Variants in GORAB observed in about 807,000 individuals in gnomAD.
The protein encoded by GORAB is RAB6-interacting golgin.
A neutral mutation model predicts 29.9 loss-of-function variants in GORAB; 17 were observed. The observed-to-expected ratio is 0.57, with a 90% CI of 0.39 to 0.85. GORAB has a LOEUF of 0.85. GORAB is among the 40% of genes least tolerant of loss of function. The pLI is 0.00. For missense variants in GORAB, 442 were observed against 437.8 expected (o/e 1.01, Z -0.09); for synonymous variants, 183 against 157.2 (o/e 1.16, Z -1.23).
intron 4 of GORAB, among the ~76,000 whole-genome samples, chr1:170,547,143 A>T (rs1649812345): frequency 6.6e-6 from 1 of 152,176 alleles, no homozygotes; most frequent in Non-Finnish European, 1.5e-5. Flanking sequence ...AGATCGGTAA[A>T]ATAATATTAT....
intron 2 of GORAB, 96 bp from the exon 3 acceptor site, chr1:170,542,395 T>G: frequency 1.3e-6 from 1 of 741,478 alleles, no homozygotes; most frequent in Admixed American, 2.3e-5. Flanking sequence ...TTGATTAAAT[T>G]TTATACTTAG....
rs1214524891 is a variant in GORAB at position 170,535,031 on chromosome 1, G to GA, written c.61+2748dup. On this transcript the variant is annotated intron_variant, in intron 1 of 4. Transcript: ENST00000367763. ...CATGTTTAATGTGGGTTTGGCAGGTGACTGTGTTGCACAGTCACTCCGTTT... is the reference window on the plus strand; with the variant it reads ...CATGTTTAATGTGGGTTTGGCAGGTGAACTGTGTTGCACAGTCACTCCGTTT... Among the ~76,000 whole-genome samples, 25 of 152,290 alleles carry GA rather than the reference G, an allele frequency of 1.6e-4. No homozygotes were observed. In the East Asian group the frequency reaches 4.1e-3, roughly 25 times the overall value.
rs1318092805 is a variant in GORAB, at chr1:170,539,234, TCCCCGC to T, written c.87_92del (p.Pro30_Ala31del). On this transcript the variant is annotated inframe_deletion, in exon 2 of 5. Transcript: ENST00000367763. ...GATCCATTTGAACCACAGCGACGTC[TCCCCGC>T]GAAGAAAAGTCGACAACAACTTCAG... is the stretch of plus-strand genomic sequence containing the variant. The T allele has an allele frequency of 1.2e-6, 2 of 1,614,066 alleles. No homozygotes were observed. The highest frequency in any genetic ancestry group is 1.7e-5 in the Admixed American group (1 of 59,988).
rs964155812 is a variant in GORAB at position 170,539,556 on chromosome 1, G to C, written c.408G>C (p.Lys136Asn). 4 of 1,613,860 alleles carry C rather than the reference G, an allele frequency of 2.5e-6. No homozygotes were observed. The highest frequency in any genetic ancestry group is 3.4e-6 in the Non-Finnish European group (4 of 1,179,958). ...PPKPDCKLEK[K>N]KVELQEKSRW... is the part of the protein sequence containing the mutation. ...AGCCAGATTGCAAATTGGAGAAAAA[G>C]AAAGTGGAATTGTTAGTAAGTCTAT... The change falls in exon 2 of 5, where the codon AAG becomes AAC. Residue 136 changes from lysine to asparagine, a missense_variant. Physicochemically the swap from Lys to Asn is moderately conservative, Grantham distance 94 (BLOSUM62 0). Coordinates refer to ENST00000367763, the MANE Select transcript of GORAB (RefSeq NM_152281.3).
intron 1 of GORAB, among the ~76,000 whole-genome samples, chr1:170,534,218 T>C (rs960326827): frequency 1.3e-5 from 2 of 152,224 alleles, no homozygotes; most frequent in African/African-American, 4.8e-5. Flanking sequence ...GGTGGGAATA[T>C]ATTAGTATTA....
intron 3 of GORAB, 119 bp downstream of exon 3, chr1:170,542,711 T>C: frequency 6.6e-6 from 5 of 760,906 alleles, no homozygotes; most frequent in Non-Finnish European, 7.2e-6. Flanking sequence ...CCATTACTTT[T>C]AAGACTAACT....
At chr1:170,535,637 C>T (rs1448612809) in intron 1 of GORAB, among the ~76,000 whole-genome samples, 1 of 152,152 alleles carries the variant, frequency 6.6e-6, no homozygotes, top group Non-Finnish European at 1.5e-5. Context: ...AACTCCTGGG[C>T]TCAAGCGATC....
In GORAB at chr1:170,552,458, C is replaced by A. The variant is rs754312139; in HGVS notation, c.1106C>A (p.Thr369Lys). ...EGNDISAALA[T>K] ...AATGACATTTCAGCTGCTTTGGCCA[C>A]ATGAAGTTCTGGTATTCTTTTGAGC... The change falls in exon 5 of 5, where the codon ACA (threonine) becomes AAA (lysine). Residue 369 changes from threonine to lysine, a missense_variant. Coordinates refer to ENST00000367763, the MANE Select transcript of GORAB (RefSeq NM_152281.3). 1 of 1,613,248 alleles carries A rather than the reference C, an allele frequency of 6.2e-7. No individual in the cohort carries two copies. The highest frequency in any genetic ancestry group is 8.5e-7 in the Non-Finnish European group (1 of 1,179,518).
intron 1 of GORAB, 182 bp from the exon 2 acceptor site, chr1:170,539,028 C>A: frequency 1.5e-6 from 1 of 678,762 alleles, no homozygotes. Flanking sequence ...ACATTATGAT[C>A]TGAAAACTAT....
rs2101821382 is a variant in GORAB at position 170,539,556 on chromosome 1, GA to G, written c.411del (p.Val138TrpfsTer18). Reference protein sequence around the residue: ...PKPDCKLEKKKVELQEKSRWE... With the variant: ...PKPDCKLEKKXVELQEKSRWE... Reference sequence around the variant, plus strand: ...AGCCAGATTGCAAATTGGAGAAAAAGAAAGTGGAATTGTTAGTAAGTCTATG... The same window carrying G: ...AGCCAGATTGCAAATTGGAGAAAAAGAAGTGGAATTGTTAGTAAGTCTATG... On this transcript the variant is annotated frameshift_variant, in exon 2 of 5. Coordinates refer to ENST00000367763, the MANE Select transcript of GORAB (RefSeq NM_152281.3). LOFTEE classifies it high-confidence loss of function. 1 of 1,613,978 alleles carries G rather than the reference GA, an allele frequency of 6.2e-7. No homozygotes were observed. The highest frequency in any genetic ancestry group is 8.5e-7 in the Non-Finnish European group (1 of 1,179,950).
At chr1:170,546,680 T>C (rs1275579185) in intron 4 of GORAB, among the ~76,000 whole-genome samples, 2 of 152,130 alleles carry the variant, frequency 1.3e-5, no homozygotes, top group African/African-American at 2.4e-5. Flanking sequence ...GCCACTATTT[T>C]TGTTTTTATT....
In GORAB at chr1:170,539,293, C is replaced by G. The variant is rs143258916; in HGVS notation, c.145C>G (p.Gln49Glu). 6.2e-7 allele frequency: 1 copy of G among 1,614,138 alleles called. No individual in the cohort carries two copies. The highest frequency in any genetic ancestry group is 1.3e-5 in the African/African-American group (1 of 75,030). ...QREKALVEQS[Q>E]KLGLQDGSTS... ...AGAAAAAGCCCTTGTAGAGCAAAGC[C>G]AAAAACTTGGGCTTCAAGATGGATC... Residue 49 changes from glutamine to glutamate, a missense_variant, in exon 2 of 5, where the codon CAA becomes GAA. Coordinates refer to ENST00000367763, the MANE Select transcript of GORAB (RefSeq NM_152281.3).
rs548955286 is a variant in GORAB at position 170,539,049 on chromosome 1, C to A, written c.62-161C>A. 1.0e-5 allele frequency: 8 copies of A among 770,962 alleles called. No homozygotes were observed. In the East Asian group the frequency reaches 1.9e-4, roughly 18 times the overall value. The allele number at this position is 770,962 out of a possible 1,614,324, so 47.8% of individuals were successfully genotyped here. The stretch of plus-strand genomic sequence containing the variant: ...TGATCTGAAAACTATTGAAACTCTA[C>A]AGGAAGATGGCTGTTTTTCCCCTAG... On this transcript the variant is annotated intron_variant, in intron 1 of 4. Transcript: ENST00000367763.
intron 2 of GORAB, among the ~76,000 whole-genome samples, chr1:170,540,749 T>G (rs960305291): frequency 6.6e-6 from 1 of 152,192 alleles, no homozygotes. Context: ...AGAATTTTCA[T>G]AAAAGACCTG....
chr1:170,540,498 T>C lies in GORAB; in HGVS notation c.419+931T>C, dbSNP rs372247883. ...TTTTAATCTCTGCTGATCCAGATTCTATCCTGTGAATTTAAAATGTTTCCT... is the reference window on the plus strand; with the variant it reads ...TTTTAATCTCTGCTGATCCAGATTCCATCCTGTGAATTTAAAATGTTTCCT... On this transcript the variant is annotated intron_variant, in intron 2 of 4. Transcript: ENST00000367763. Among the ~76,000 whole-genome samples, 3 of 152,316 alleles carry C rather than the reference T, an allele frequency of 2.0e-5. No individual in the cohort carries two copies. The East Asian group carries it at 5.8e-4, about 29-fold the overall frequency.
chr1:170,553,738 TATAG>T lies in GORAB; in HGVS notation c.*1281_*1284del, dbSNP rs1225969200. On this transcript the variant is annotated 3_prime_UTR_variant, in exon 5 of 5. Coordinates refer to ENST00000367763, the MANE Select transcript of GORAB (RefSeq NM_152281.3). The stretch of plus-strand genomic sequence containing the variant: ...TGACTTCTCTAAACAGAAGCATTTC[TATAG>T]ATAGTTGTGCTTTTATTTATGAAAT... 2 of 452,194 alleles carry T rather than the reference TATAG, an allele frequency of 4.4e-6. No individual in the cohort carries two copies. Among genetic ancestry groups the T allele is most frequent in the Admixed American group, 2.4e-5 (1 of 42,262 alleles). 28.0% of individuals were successfully genotyped at this position (452,194 alleles called of 1,614,324 possible). A position where few individuals can be genotyped will look rare whatever the true frequency, so the allele number is the denominator to read the frequency against.
chr1:170,550,089 C>T (rs1258842203), intron 4 of GORAB, among the ~76,000 whole-genome samples: 1 of 152,192 alleles, frequency 6.6e-6, no homozygotes, highest in Non-Finnish European at 1.5e-5. Context: ...CCGGAATTTT[C>T]AGTTATTGCA....
In GORAB at chr1:170,552,796, G is replaced by T. The variant is rs529546937; in HGVS notation, c.*334G>T. 21 of 459,904 alleles carry T rather than the reference G, an allele frequency of 4.6e-5. No individual in the cohort carries two copies. The highest frequency in any genetic ancestry group is 8.7e-5 in the Non-Finnish European group (20 of 230,950). 28.5% of individuals were successfully genotyped at this position (459,904 alleles called of 1,614,324 possible). On this transcript the variant is annotated 3_prime_UTR_variant, in exon 5 of 5. Transcript: ENST00000367763. ...AATATAGAAAAGTAAAATGGAAAAT[G>T]ATACTCAATACCTAGTTAAACTCAT...
chr1:170,534,193 G>A (rs563633087), intron 1 of GORAB, among the ~76,000 whole-genome samples: 2 of 152,264 alleles, frequency 1.3e-5, no homozygotes, highest in African/African-American at 2.4e-5. Flanking sequence ...TCATCTAGCG[G>A]GCTACTGTAC....
Sources: gnomAD v4.1 joint callset for allele counts (sites outside exome capture counted in the v4.1 genomes callset) on GRCh38, gnomAD v4.1.1 for gene constraint, MANE v1.5 for transcripts, NCBI Gene and HGNC (gene_info 2026-07-23, HGNC 2026-07-21) for gene names.